The following FZD3 variants were observed in gnomAD, a reference collection of about 807,000 sequenced individuals.
FZD3 encodes the protein frizzled-3.
FZD3 carries 30 observed loss-of-function variants against 60.7 expected under a neutral mutation model. The ratio of observed to expected loss-of-function variants is 0.49; its 90% CI spans 0.37 to 0.67. The LOEUF is 0.67. Ranked by LOEUF, FZD3 falls within the 30% of genes least tolerant of loss-of-function variation. The pLI is 0.00. For missense variants in FZD3, 605 were observed against 838.7 expected (o/e 0.72, Z 3.44); for synonymous variants, 246 against 275.2 (o/e 0.89, Z 1.05).
In FZD3 at chr8:28,540,916, A is replaced by G. The variant is rs1321294908; in HGVS notation, c.1405-10687A>G. 2.6e-5 allele frequency among the ~76,000 whole-genome samples: 4 copies of G among 152,218 alleles called. No individual in the cohort carries two copies. In the East Asian group the frequency reaches 7.7e-4, roughly 29 times the overall value. On this transcript the variant is annotated intron_variant, in intron 5 of 7. Transcript: ENST00000240093. The stretch of plus-strand genomic sequence containing the variant: ...GCCGAGAATTGCACCACTGCACTCC[A>G]GCCTGGGCGACAGAGTGAGCCCCTT...
chr8:28,543,583 G>T (rs1297058313), intron 5 of FZD3, among the ~76,000 whole-genome samples: 3 of 152,036 alleles, frequency 2.0e-5, no homozygotes, highest in Admixed American at 1.3e-4. Context: ...GTTTCGCCAT[G>T]TTGGCCAGGC....
At position 28,548,857 on chromosome 8, in the gene FZD3, A is replaced by T. The variant is rs149063301; in HGVS notation, c.1405-2746A>T. ...TTATGATAAATTATTTCTAACTAAGAACATGTTTGAAGTGGGGTGTGTTTT... is the reference window on the plus strand; with the variant it reads ...TTATGATAAATTATTTCTAACTAAGTACATGTTTGAAGTGGGGTGTGTTTT... On this transcript the variant is annotated intron_variant, in intron 5 of 7. Coordinates refer to ENST00000240093, the MANE Select transcript of FZD3 (RefSeq NM_017412.4). 8.6e-4 allele frequency among the ~76,000 whole-genome samples: 131 copies of T among 152,340 alleles called. 1 individual carries two copies. The highest frequency in any genetic ancestry group is 3.0e-3 in the African/African-American group (125 of 41,568).
At chr8:28,550,531 G>A (rs576029984) in intron 5 of FZD3, among the ~76,000 whole-genome samples, 1 of 90,402 alleles carries the variant, frequency 1.1e-5, no homozygotes, top group South Asian at 3.8e-4. Context: ...TCATTCTGTT[G>A]CCCAAGCTGG....
intron 5 of FZD3, 48 bp from the exon 6 acceptor site, chr8:28,551,555 G>T (rs1805411195): frequency 1.4e-6 from 2 of 1,384,228 alleles, no homozygotes; most frequent in Non-Finnish European, 2.0e-6. Context: ...GCCTTTAATA[G>T]AAAGTTATTT....
chr8:28,519,986 G>A (rs1482736302), intron 3 of FZD3, among the ~76,000 whole-genome samples: 1 of 152,072 alleles, frequency 6.6e-6, no homozygotes, highest in Non-Finnish European at 1.5e-5. Flanking sequence ...GAGGCAGACG[G>A]ATCACTTGAG....
chr8:28,573,908 T>G lies in FZD3; in HGVS notation c.*10897T>G, dbSNP rs1805849452. 1.3e-5 allele frequency: 2 copies of G among 152,202 alleles called. No homozygotes were observed. Among genetic ancestry groups the G allele is most frequent in the Admixed American group, 6.5e-5 (1 of 15,280 alleles). 9.4% of individuals were successfully genotyped at this position (152,202 alleles called of 1,614,324 possible). On this transcript the variant is annotated 3_prime_UTR_variant, in exon 8 of 8. Coordinates refer to ENST00000240093, the MANE Select transcript of FZD3 (RefSeq NM_017412.4). ...AATGTTGATTTATCATATAAACATC[T>G]AATTAGAAAGTGTTTATGCTAAAGA...
chr8:28,522,466 C>T (rs901467574), intron 4 of FZD3, among the ~76,000 whole-genome samples: 1 of 152,170 alleles, frequency 6.6e-6, no homozygotes, highest in African/African-American at 2.4e-5. Context: ...TTAGCCCCAT[C>T]TAACCATTCA....
intron 5 of FZD3, among the ~76,000 whole-genome samples, chr8:28,542,986 T>A (rs1456834131): frequency 6.6e-6 from 1 of 152,160 alleles, no homozygotes; most frequent in Non-Finnish European, 1.5e-5. Context: ...ATAGGATGTA[T>A]CTCTAAGGAT....
intron 5 of FZD3, among the ~76,000 whole-genome samples, chr8:28,546,969 C>CAAA (rs1242110166): frequency 1.3e-5 from 1 of 76,702 alleles, no homozygotes; most frequent in Non-Finnish European, 2.9e-5. Context: ...GACTCCGTCT[C>CAAA]AAAAAAAAAA....
intron 6 of FZD3, among the ~76,000 whole-genome samples, chr8:28,551,952 C>T (rs1805419389): frequency 6.6e-6 from 1 of 152,130 alleles, no homozygotes; most frequent in Non-Finnish European, 1.5e-5. Context: ...GCCAAGTAGT[C>T]CAGAAGATGA....
At chr8:28,539,210 C>T (rs539098563) in intron 5 of FZD3, among the ~76,000 whole-genome samples, 7 of 152,300 alleles carry the variant, frequency 4.6e-5, no homozygotes, top group African/African-American at 1.7e-4. Flanking sequence ...GCATTACTGC[C>T]TGAGCCTCCT....
intron 3 of FZD3, among the ~76,000 whole-genome samples, chr8:28,514,432 G>C (rs1214376572): frequency 1.3e-5 from 2 of 152,114 alleles, no homozygotes; most frequent in East Asian, 3.8e-4. Flanking sequence ...CTCATATAAA[G>C]CATTCAGTTT....
At chr8:28,530,233 A>C (rs775824410) in intron 5 of FZD3, among the ~76,000 whole-genome samples, 6 of 151,974 alleles carry the variant, frequency 3.9e-5, no homozygotes, top group Non-Finnish European at 7.4e-5. Flanking sequence ...TTAAACTGTA[A>C]GCTGGAGTAG....
intron 6 of FZD3, among the ~76,000 whole-genome samples, chr8:28,553,382 G>A (rs1416286333): frequency 6.6e-6 from 1 of 152,116 alleles, no homozygotes; most frequent in Non-Finnish European, 1.5e-5. Context: ...CCTCCCTTAT[G>A]GGATTTACTG....
chr8:28,561,129 T>C (rs1805605337), intron 7 of FZD3, among the ~76,000 whole-genome samples: 1 of 152,214 alleles, frequency 6.6e-6, no homozygotes. Context: ...CGATCTCGGC[T>C]CACTGCAACC....
chr8:28,518,047 T>C (rs1326784621), intron 3 of FZD3, among the ~76,000 whole-genome samples: 1 of 152,080 alleles, frequency 6.6e-6, no homozygotes, highest in Non-Finnish European at 1.5e-5. Context: ...TTTTTATTTA[T>C]TTATTTCAGA....
Position 28,569,972 on chromosome 8 carries a change from G to A in FZD3, c.*6961G>A, listed in dbSNP as rs908800603. On this transcript the variant is annotated 3_prime_UTR_variant, in exon 8 of 8. Coordinates refer to ENST00000240093, the MANE Select transcript of FZD3 (RefSeq NM_017412.4). ...ACCAATATTAAAATAATTATAAAATGTAAAAGAAATTTCAGAGGAGTTGAT... is the reference window on the plus strand; with the variant it reads ...ACCAATATTAAAATAATTATAAAATATAAAAGAAATTTCAGAGGAGTTGAT... 1.7e-4 allele frequency: 26 copies of A among 151,946 alleles called. No individual in the cohort carries two copies. Among genetic ancestry groups the A allele is most frequent in the Admixed American group, 7.2e-4 (11 of 15,272 alleles). 9.4% of individuals were successfully genotyped at this position (151,946 alleles called of 1,614,324 possible).
At chr8:28,533,228 G>A (rs1408571874) in intron 5 of FZD3, among the ~76,000 whole-genome samples, 1 of 151,278 alleles carries the variant, frequency 6.6e-6, no homozygotes, top group East Asian at 2.0e-4. Flanking sequence ...TAGTAGAGAT[G>A]GGGTCTTGTT....
intron 5 of FZD3, among the ~76,000 whole-genome samples, chr8:28,543,538 G>C (rs540537459): frequency 6.6e-6 from 1 of 152,086 alleles, no homozygotes; most frequent in African/African-American, 2.4e-5. Context: ...CTGCCACCAC[G>C]CCTGGCTAAT....
Sources: allele counts gnomAD v4.1 joint callset (sites outside exome capture counted in the v4.1 genomes callset), GRCh38; gene constraint gnomAD v4.1.1; transcripts MANE v1.5; gene names NCBI Gene and HGNC (gene_info 2026-07-23, HGNC 2026-07-21).